Variants in ANKS1B observed in about 807,000 individuals in gnomAD.
ANKS1B encodes the protein ankyrin repeat and sterile alpha motif domain containing 1B.
In ANKS1B, 36 loss-of-function variants were observed where a neutral mutation model predicts 148.3. That is an observed-to-expected ratio of 0.24 (90% CI 0.19 to 0.32). The LOEUF (loss-of-function observed/expected upper bound fraction) is 0.32, where lower values mean the gene tolerates loss of function less well. Among genes scored for constraint, ANKS1B ranks in the 10% least tolerant of loss-of-function variants. ANKS1B has a pLI of 1.00. For missense variants in ANKS1B, 1,157 were observed against 1,542.6 expected (o/e 0.75, Z 4.19); for synonymous variants, 542 against 560.8 (o/e 0.97, Z 0.47).
intron 14 of ANKS1B, among the ~76,000 whole-genome samples, chr12:99,240,330 T>C (rs929452216): frequency 2.0e-5 from 3 of 152,116 alleles, no homozygotes; most frequent in African/African-American, 7.2e-5. Context: ...CACTATATAA[T>C]GGTAAACGGA....
At chr12:99,340,065 T>G (rs1182247517) in intron 12 of ANKS1B, among the ~76,000 whole-genome samples, 2 of 152,158 alleles carry the variant, frequency 1.3e-5, no homozygotes, top group Non-Finnish European at 2.9e-5. Context: ...GGCATCCTCA[T>G]TTTATTTATT....
At chr12:99,905,065 G>A (rs910860372) in intron 1 of ANKS1B, among the ~76,000 whole-genome samples, 1 of 152,180 alleles carries the variant, frequency 6.6e-6, no homozygotes, top group Admixed American at 6.5e-5. Context: ...CAGAGAAGTA[G>A]TGGGAGATAA....
At chr12:99,847,777 C>A (rs1254549424) in intron 1 of ANKS1B, among the ~76,000 whole-genome samples, 1 of 151,792 alleles carries the variant, frequency 6.6e-6, no homozygotes, top group Non-Finnish European at 1.5e-5. Context: ...GAGTGTTGAC[C>A]CTGACCCTTA....
chr12:99,220,941 T>C (rs1034543037), intron 14 of ANKS1B, among the ~76,000 whole-genome samples: 1 of 152,186 alleles, frequency 6.6e-6, no homozygotes, highest in African/African-American at 2.4e-5. Context: ...AATAAGATTC[T>C]TATATAATCT....
intron 17 of ANKS1B, among the ~76,000 whole-genome samples, chr12:98,832,492 TGC>T (rs2099327157): frequency 6.6e-6 from 1 of 152,070 alleles, no homozygotes; most frequent in African/African-American, 2.4e-5. Context: ...AGGGACAGGC[TGC>T]CCTCTGTCTC....
intron 1 of ANKS1B, among the ~76,000 whole-genome samples, chr12:99,910,020 T>G (rs895958813): frequency 1.3e-5 from 2 of 152,092 alleles, no homozygotes; most frequent in African/African-American, 2.4e-5. Context: ...TCTAGGAAAC[T>G]ATGAAGTATT....
intron 12 of ANKS1B, among the ~76,000 whole-genome samples, chr12:99,374,994 A>G (rs11610874): frequency 6.6e-6 from 1 of 152,148 alleles, no homozygotes; most frequent in African/African-American, 2.4e-5. Context: ...GCTACCTCCC[A>G]ATGGGACACA....
chr12:99,837,732 C>T (rs570963512), intron 1 of ANKS1B, among the ~76,000 whole-genome samples: 1 of 152,102 alleles, frequency 6.6e-6, no homozygotes, highest in Non-Finnish European at 1.5e-5. Context: ...CTACATTATA[C>T]TTCAGTCTCA....
chr12:99,951,027 T>C (rs1402715661), intron 1 of ANKS1B, among the ~76,000 whole-genome samples: 2 of 152,216 alleles, frequency 1.3e-5, no homozygotes, highest in Non-Finnish European at 2.9e-5. Flanking sequence ...AAATCTAAAC[T>C]GAAAAGGATT....
At chr12:99,599,240 G>T (rs1431560293) in intron 9 of ANKS1B, among the ~76,000 whole-genome samples, 9 of 152,012 alleles carry the variant, frequency 5.9e-5, no homozygotes, top group Admixed American at 5.9e-4. Flanking sequence ...TGATTTCTTT[G>T]GGGGCATTTT....
At chr12:99,111,276 A>G (rs1484987489) in intron 15 of ANKS1B, among the ~76,000 whole-genome samples, 1 of 152,242 alleles carries the variant, frequency 6.6e-6, no homozygotes, top group Non-Finnish European at 1.5e-5. Flanking sequence ...CTGCAAAGCT[A>G]AAGAAAAAGC....
At chr12:98,899,301 G>A (rs905608556) in intron 17 of ANKS1B, among the ~76,000 whole-genome samples, 3 of 152,116 alleles carry the variant, frequency 2.0e-5, no homozygotes, top group Non-Finnish European at 4.4e-5. Flanking sequence ...AAGAGTTGTG[G>A]TTGGAAATAA....
rs1330972837 is a variant in ANKS1B at position 99,511,945 on chromosome 12, A to G, written c.1273-7304T>C. ...GATTCATGATTTCAATATAAAATGT[A>G]AAACTATAAAAACCCTAGAAGAAAA... On this transcript the variant is annotated intron_variant, in intron 9 of 26. Transcript: ENST00000683438. Among the ~76,000 whole-genome samples the G allele has an allele frequency of 3.3e-5, 5 of 152,220 alleles. No homozygotes were observed. In the East Asian group the frequency reaches 7.7e-4, roughly 24 times the overall value.
chr12:98,922,886 T>G (rs1327050447), intron 17 of ANKS1B, among the ~76,000 whole-genome samples: 1 of 152,172 alleles, frequency 6.6e-6, no homozygotes, highest in African/African-American at 2.4e-5. Flanking sequence ...TTCTTAGAAA[T>G]TCATAGAAAA....
At chr12:99,333,687 A>G (rs1459085292) in intron 12 of ANKS1B, among the ~76,000 whole-genome samples, 10 of 151,924 alleles carry the variant, frequency 6.6e-5, no homozygotes, top group Non-Finnish European at 1.3e-4. Context: ...TCAACCCTGA[A>G]TATGTTCCTA....
chr12:99,022,444 T>G (rs2099946345), intron 17 of ANKS1B, among the ~76,000 whole-genome samples: 1 of 152,224 alleles, frequency 6.6e-6, no homozygotes, highest in Admixed American at 6.5e-5. Context: ...AATATTGTCA[T>G]TAACTAATAT....
At chr12:99,664,614 T>C (rs535849859) in intron 8 of ANKS1B, among the ~76,000 whole-genome samples, 2 of 152,234 alleles carry the variant, frequency 1.3e-5, no homozygotes, top group South Asian at 2.1e-4. Context: ...CATGCACCCA[T>C]TTTAAATGTA....
chr12:98,753,125 A>G (rs2098136188), intron 25 of ANKS1B, among the ~76,000 whole-genome samples: 1 of 152,238 alleles, frequency 6.6e-6, no homozygotes, highest in African/African-American at 2.4e-5. Context: ...TGCCACGCCA[A>G]GCAGCGCCTG....
At chr12:99,233,148 G>C (rs1002020173) in intron 14 of ANKS1B, among the ~76,000 whole-genome samples, 2 of 151,978 alleles carry the variant, frequency 1.3e-5, no homozygotes, top group African/African-American at 4.8e-5. Flanking sequence ...GTTTAGATTT[G>C]GGTCCCAACT....
Sources: gnomAD v4.1 joint callset for allele counts (sites outside exome capture counted in the v4.1 genomes callset) on GRCh38, gnomAD v4.1.1 for gene constraint, MANE v1.5 for transcripts, NCBI Gene and HGNC (gene_info 2026-07-23, HGNC 2026-07-21) for gene names.